SEMA3C: variants seen among roughly 807,000 people sequenced by gnomAD.
The protein encoded by SEMA3C is semaphorin 3C, also known as semaphorin-3C.
A neutral mutation model predicts 89.4 loss-of-function variants in SEMA3C; 47 were observed. The observed-to-expected ratio is 0.53, with a 90% confidence interval of 0.42 to 0.67. SEMA3C has a LOEUF of 0.67. Ranked by LOEUF, SEMA3C falls within the 30% of genes least tolerant of loss-of-function variation. The probability of loss-of-function intolerance (pLI) is 0.00; values close to 1 mark genes in which losing one functional copy is unlikely to be tolerated. For missense variants in SEMA3C, 839 were observed against 929.1 expected, an observed-to-expected ratio of 0.90 and a Z score of 1.26; for synonymous variants, 310 against 320.2, an observed-to-expected ratio of 0.97 and a Z score of 0.34.
At chr7:80,788,748 T>C (rs987925033) in intron 12 of SEMA3C, among the ~76,000 whole-genome samples, 4 of 152,212 alleles carry the variant, frequency 2.6e-5, no homozygotes, top group Admixed American at 2.0e-4. Context: ...AAATGTTATA[T>C]TGAGTATGTT....
At chr7:80,779,952 C>CA (rs1788655365) in intron 12 of SEMA3C, among the ~76,000 whole-genome samples, 1 of 152,104 alleles carries the variant, frequency 6.6e-6, no homozygotes, top group African/African-American at 2.4e-5. Flanking sequence ...TCTGCAAAAG[C>CA]AAGGAACTGA....
In SEMA3C at chr7:80,846,979, C is replaced by A. The variant is rs186285807; in HGVS notation, c.104-18234G>T. Among the ~76,000 whole-genome samples, 16 of 152,280 alleles carry A rather than the reference C, an allele frequency of 1.1e-4. No homozygotes were observed. The East Asian group carries it at 2.5e-3, about 24-fold the overall frequency. On this transcript the variant is annotated intron_variant, in intron 2 of 17. Transcript: ENST00000265361. ...CTCCCTCCAGTACTCCTTTTGTATA[C>A]TGAGTACATGTCCATTCTTACACAC...
At chr7:80,807,817 G>A (rs183724730) in intron 6 of SEMA3C, among the ~76,000 whole-genome samples, 9 of 152,206 alleles carry the variant, frequency 5.9e-5, no homozygotes, top group South Asian at 2.1e-4. Flanking sequence ...AGCACACTGC[G>A]CTTGAATGGA....
intron 12 of SEMA3C, among the ~76,000 whole-genome samples, chr7:80,788,618 A>T (rs1341146000): frequency 6.6e-6 from 1 of 152,218 alleles, no homozygotes; most frequent in Non-Finnish European, 1.5e-5. Context: ...GTGGGTCTAT[A>T]AACAAGCACA....
chr7:80,832,768 G>A (rs1352932611), intron 2 of SEMA3C, among the ~76,000 whole-genome samples: 1 of 152,164 alleles, frequency 6.6e-6, no homozygotes, highest in Non-Finnish European at 1.5e-5. Context: ...AAATCATTGA[G>A]TTACTGAATT....
intron 17 of SEMA3C, among the ~76,000 whole-genome samples, chr7:80,747,024 G>GTA (rs536191998): frequency 2.1e-4 from 3 of 14,532 alleles, no homozygotes; most frequent in African/African-American, 2.2e-4. Context: ...TGAGTGAGAA[G>GTA]CATGTTTTCT....
intron 12 of SEMA3C, among the ~76,000 whole-genome samples, chr7:80,777,095 G>C (rs1788568275): frequency 6.6e-6 from 1 of 151,848 alleles, no homozygotes; most frequent in South Asian, 2.1e-4. Context: ...TATCTCATTT[G>C]GTCTTTAAAG....
intron 2 of SEMA3C, among the ~76,000 whole-genome samples, chr7:80,909,188 A>T (rs1792088027): frequency 6.6e-6 from 1 of 152,146 alleles, no homozygotes; most frequent in South Asian, 2.1e-4. Context: ...TAAGGAAATA[A>T]GTTTTTCCTA....
In SEMA3C at chr7:80,749,151, G is replaced by A. The variant is rs561101153; in HGVS notation, c.1712-123C>T. 9.3e-5 allele frequency: 95 copies of A among 1,026,534 alleles called. 1 individual carries two copies. Among genetic ancestry groups the A allele is most frequent in the South Asian group, 8.9e-4 (40 of 45,170 alleles). 63.6% of individuals were successfully genotyped at this position (1,026,534 alleles called of 1,614,324 possible). On this transcript the variant is annotated intron_variant, in intron 16 of 17. Transcript: ENST00000265361. ...TACAAAATTGTGAACAACTATCGCA[G>A]CCAGCAAAAAACAGTGGTAATCATT... is the stretch of plus-strand genomic sequence containing the variant.
chr7:80,824,427 T>C (rs1789824544), intron 4 of SEMA3C, among the ~76,000 whole-genome samples: 1 of 152,126 alleles, frequency 6.6e-6, no homozygotes, highest in South Asian at 2.1e-4. Context: ...GGTGAGTAGA[T>C]ATTTCCCAGG....
Position 80,873,843 on chromosome 7 carries a change from G to T in SEMA3C, c.103+42836C>A, listed in dbSNP as rs534029577. Among the ~76,000 whole-genome samples the T allele has an allele frequency of 4.6e-5, 7 of 152,222 alleles. No homozygotes were observed. The East Asian group carries it at 1.4e-3, about 29-fold the overall frequency. ...TGCATGGAAAACAGTTTGTGCACAG[G>T]GGCAAGGGTAGAAGCTCTAGTTAGG... On this transcript the variant is annotated intron_variant, in intron 2 of 17. Transcript: ENST00000265361.
In SEMA3C at chr7:80,749,726, TGTA is replaced by T. The variant is rs538269995; in HGVS notation, c.1712-701_1712-699del. On this transcript the variant is annotated intron_variant, in intron 16 of 17. Transcript: ENST00000265361. The stretch of plus-strand genomic sequence containing the variant: ...CGAAAGTATTAAATTAGGCAAAACA[TGTA>T]GTATTGCCAGGTGGTAGCTTAGACA... 2.0e-5 allele frequency among the ~76,000 whole-genome samples: 3 copies of T among 152,312 alleles called. No individual in the cohort carries two copies. In the South Asian group the frequency reaches 6.2e-4, roughly 32 times the overall value.
intron 6 of SEMA3C, among the ~76,000 whole-genome samples, chr7:80,807,426 A>C (rs1018488635): frequency 1.3e-5 from 2 of 152,206 alleles, no homozygotes; most frequent in Non-Finnish European, 2.9e-5. Flanking sequence ...CCTATCTTAA[A>C]TTCGCAGTAA....
At chr7:80,895,055 C>T (rs1164616447) in intron 2 of SEMA3C, among the ~76,000 whole-genome samples, 1 of 152,118 alleles carries the variant, frequency 6.6e-6, no homozygotes, top group South Asian at 2.1e-4. Context: ...CAACTATCAC[C>T]ACCTGATTTC....
chr7:80,844,631 C>T (rs929820491), intron 2 of SEMA3C, among the ~76,000 whole-genome samples: 3 of 152,054 alleles, frequency 2.0e-5, no homozygotes, highest in Non-Finnish European at 4.4e-5. Context: ...TGACTGTGAT[C>T]ATTATTCTCA....
chr7:80,822,045 C>T (rs779698254), intron 4 of SEMA3C, among the ~76,000 whole-genome samples: 32 of 152,198 alleles, frequency 2.1e-4, no homozygotes, highest in Non-Finnish European at 4.0e-4. Flanking sequence ...GTGCTGCCTT[C>T]GTTTCTGACC....
intron 12 of SEMA3C, among the ~76,000 whole-genome samples, chr7:80,786,500 T>C (rs1287049331): frequency 1.3e-5 from 2 of 151,958 alleles, no homozygotes; most frequent in African/African-American, 2.4e-5. Flanking sequence ...CTGGGTAATA[T>C]GAGACACTGT....
intron 2 of SEMA3C, among the ~76,000 whole-genome samples, chr7:80,909,341 A>G (rs900794000): frequency 5.9e-5 from 9 of 152,160 alleles, no homozygotes; most frequent in Non-Finnish European, 1.3e-4. Context: ...CCCTGAGTTT[A>G]TCTATTCCAT....
chr7:80,880,894 C>T (rs1791319818), intron 2 of SEMA3C, among the ~76,000 whole-genome samples: 1 of 152,096 alleles, frequency 6.6e-6, no homozygotes, highest in African/African-American at 2.4e-5. Context: ...CACTGCATTC[C>T]AGCCTGGGTG....
Sources: allele counts gnomAD v4.1 joint callset (sites outside exome capture counted in the v4.1 genomes callset), GRCh38; gene constraint gnomAD v4.1.1; transcripts MANE v1.5; gene names NCBI Gene and HGNC (gene_info 2026-07-23, HGNC 2026-07-21).